The following FREM2 variants were observed in gnomAD, a reference collection of about 807,000 sequenced individuals.
The protein encoded by FREM2 is FRAS1-related extracellular matrix protein 2.
A neutral mutation model predicts 219.9 loss-of-function variants in FREM2; 119 were observed. The ratio of observed to expected loss-of-function variants is 0.54; its 90% confidence interval spans 0.47 to 0.63. The LOEUF (loss-of-function observed/expected upper bound fraction) is 0.63, where lower values mean the gene tolerates loss of function less well. FREM2 is among the 30% of genes least tolerant of loss of function. The pLI is 0.00. For missense variants in FREM2, 4,030 were observed against 3,993.6 expected (o/e 1.01, Z -0.25); for synonymous variants, 1,562 against 1,522.8 (o/e 1.03, Z -0.60).
chr13:38,833,620 A>G (rs1222056703), intron 6 of FREM2, among the ~76,000 whole-genome samples: 3 of 152,190 alleles, frequency 2.0e-5, no homozygotes, highest in South Asian at 4.1e-4. Flanking sequence ...AAATAATTCA[A>G]TGAGTTTACT....
intron 7 of FREM2, among the ~76,000 whole-genome samples, chr13:38,847,107 G>T (rs1456933114): frequency 1.3e-5 from 2 of 151,984 alleles, no homozygotes; most frequent in Non-Finnish European, 2.9e-5. Flanking sequence ...TATTATGCAG[G>T]CATGTGTCTT....
chr13:38,711,287 G>A (rs1027620603), intron 2 of FREM2, among the ~76,000 whole-genome samples: 7 of 152,094 alleles, frequency 4.6e-5, no homozygotes, highest in Admixed American at 3.3e-4. Flanking sequence ...TAGAGAGTCA[G>A]TTAAATGACA....
intron 2 of FREM2, among the ~76,000 whole-genome samples, chr13:38,756,460 G>A (rs1873002228): frequency 6.6e-6 from 1 of 151,438 alleles, no homozygotes; most frequent in Non-Finnish European, 1.5e-5. Flanking sequence ...TTCTTTGCAA[G>A]GCCCATCACA....
Position 38,689,952 on chromosome 13 carries a change from C to T in FREM2, c.2608C>T (p.Gln870Ter), listed in dbSNP as rs750020230. Residue 870 changes from glutamine to a stop codon, truncating the protein, a stop_gained, in exon 1 of 24, where the codon CAG becomes TAG. Coordinates refer to ENST00000280481, the MANE Select transcript of FREM2 (RefSeq NM_207361.6). LOFTEE classifies it high-confidence loss of function. ...DVAHISFTLT[Q>*]APKHGHMRVS... ...TGCCCATATCTCTTTCACTCTCACT[C>T]AGGCACCCAAACATGGCCACATGAG... 3 of 1,614,174 alleles carry T rather than the reference C, an allele frequency of 1.9e-6. No individual in the cohort carries two copies. Among genetic ancestry groups the T allele is most frequent in the South Asian group, 1.1e-5 (1 of 91,084 alleles).
intron 6 of FREM2, among the ~76,000 whole-genome samples, chr13:38,802,194 G>T (rs575867418): frequency 7.0e-4 from 106 of 152,344 alleles, no homozygotes; most frequent in Non-Finnish European, 5.9e-5. Context: ...CACCAGTGGA[G>T]TGCTCAGGTG....
In FREM2 at chr13:38,729,585, A is replaced by G. The variant is rs939072238; in HGVS notation, c.5263+31798A>G. 4.6e-5 allele frequency among the ~76,000 whole-genome samples: 7 copies of G among 152,244 alleles called. No individual in the cohort carries two copies. In the East Asian group the frequency reaches 1.4e-3, roughly 29 times the overall value. On this transcript the variant is annotated intron_variant, in intron 2 of 23. Transcript: ENST00000280481. ...AGGACTTGAATTTAACTCTCATTCA[A>G]CTTTTTTTTAACCAAAAAATACTTC...
chr13:38,813,963 C>T lies in FREM2; in HGVS notation c.6019+29155C>T, dbSNP rs565638769. ...TCACTAATTCTTTATCCTGCTTGAT[C>T]GATTCCAATATTAATAGACTCAGAT... On this transcript the variant is annotated intron_variant, in intron 6 of 23. Transcript: ENST00000280481. 1.4e-3 allele frequency among the ~76,000 whole-genome samples: 207 copies of T among 152,060 alleles called. 1 individual carries two copies. The highest frequency in any genetic ancestry group is 2.4e-3 in the Non-Finnish European group (164 of 67,972).
At position 38,690,657 on chromosome 13, in the gene FREM2, A is replaced by C; in HGVS notation, c.3313A>C (p.Thr1105Pro). ...CTCCCTGAATGATGACATCTTGTGCACTATAGTTATTCAGCCTACTTCAGG... is the reference window on the plus strand; with the variant it reads ...CTCCCTGAATGATGACATCTTGTGCCCTATAGTTATTCAGCCTACTTCAGG... Reference protein sequence around the residue: ...VDSLNDDILCTIVIQPTSGYV... With the variant: ...VDSLNDDILCPIVIQPTSGYV... The change falls in exon 1 of 24, where the codon ACT (threonine) becomes CCT (proline). Residue 1105 changes from threonine to proline, a missense_variant. Around this residue, in one of 2 missense-constraint regions of FREM2, gnomAD observed 3,102 missense variants for 2,950.7 expected, o/e 1.05. Coordinates refer to ENST00000280481, the MANE Select transcript of FREM2 (RefSeq NM_207361.6). 6.2e-7 allele frequency: 1 copy of C among 1,613,918 alleles called. No individual in the cohort carries two copies. The highest frequency in any genetic ancestry group is 8.5e-7 in the Non-Finnish European group (1 of 1,179,998).
chr13:38,850,380 A>G, intron 9 of FREM2, 145 bp downstream of exon 9: 2 of 720,850 alleles, frequency 2.8e-6, no homozygotes, highest in Non-Finnish European at 4.9e-6. Flanking sequence ...AGTGAAATCG[A>G]TTTTTAACAG....
In FREM2 at chr13:38,856,201, G is replaced by C. The variant is rs1279784140; in HGVS notation, c.7001G>C (p.Arg2334Thr). The change falls in exon 12 of 24, where the codon AGA becomes ACA. Residue 2334 changes from arginine (R) to threonine (T), a missense_variant. Physicochemically the swap from Arg to Thr is moderately conservative, Grantham distance 71. This residue lies in a region of FREM2 where 3,102 missense variants were observed against 2,950.7 expected (regional missense o/e 1.05). Transcript: ENST00000280481. ...ACCTTTGACGGGGTGAGAGAGATGA[G>C]AGAGGCCTTCACTGTTCACCTAAAA... ...EVTFDGVREM[R>T]EAFTVHLKPD... is the part of the protein sequence containing the mutation. 1.1e-5 allele frequency: 17 copies of C among 1,612,940 alleles called. No individual in the cohort carries two copies. Among genetic ancestry groups the C allele is most frequent in the Admixed American group, 1.7e-5 (1 of 60,014 alleles).
intron 6 of FREM2, among the ~76,000 whole-genome samples, chr13:38,806,304 C>T (rs997404180): frequency 4.0e-5 from 6 of 151,878 alleles, no homozygotes; most frequent in African/African-American, 7.3e-5. Context: ...GGAGGAAGTG[C>T]GCAGTGCACA....
intron 2 of FREM2, among the ~76,000 whole-genome samples, chr13:38,717,239 G>T (rs759358110): frequency 2.0e-4 from 30 of 152,018 alleles, no homozygotes; most frequent in Admixed American, 5.9e-4. Context: ...GCCCCACTGG[G>T]ATGAATGAGT....
Position 38,734,415 on chromosome 13 carries a change from A to C in FREM2, c.5264-29889A>C, listed in dbSNP as rs1305825927. Among the ~76,000 whole-genome samples, 6 of 152,186 alleles carry C rather than the reference A, an allele frequency of 3.9e-5. No homozygotes were observed. In the East Asian group the frequency reaches 1.2e-3, roughly 29 times the overall value. ...GCTATGAAATACTTTATATATAACTAGTTAAAAGACTTTTTCCTTAACCCT... is the reference window on the plus strand; with the variant it reads ...GCTATGAAATACTTTATATATAACTCGTTAAAAGACTTTTTCCTTAACCCT... On this transcript the variant is annotated intron_variant, in intron 2 of 23. Transcript: ENST00000280481.
rs1232730959 is a variant in FREM2 at position 38,885,068 on chromosome 13, C to T, written c.*4281C>T. ...AATTATCCCTTAATGTTGATTTCTCCCCTTTTCCATGGATTTTGATACTAA... is the reference window on the plus strand; with the variant it reads ...AATTATCCCTTAATGTTGATTTCTCTCCTTTTCCATGGATTTTGATACTAA... On this transcript the variant is annotated 3_prime_UTR_variant, in exon 24 of 24. Transcript: ENST00000280481. 6.6e-6 allele frequency: 1 copy of T among 152,084 alleles called. No individual in the cohort carries two copies. The highest frequency in any genetic ancestry group is 1.5e-5 in the Non-Finnish European group (1 of 67,986). 9.4% of individuals were successfully genotyped at this position (152,084 alleles called of 1,614,324 possible). A position where few individuals can be genotyped will look rare whatever the true frequency, so the allele number is the denominator to read the frequency against.
intron 2 of FREM2, among the ~76,000 whole-genome samples, chr13:38,734,073 A>G (rs1421393801): frequency 1.3e-5 from 2 of 152,242 alleles, no homozygotes; most frequent in East Asian, 1.9e-4. Flanking sequence ...AGATCACCTT[A>G]TGATTAACTG....
intron 2 of FREM2, among the ~76,000 whole-genome samples, chr13:38,755,436 C>G (rs1872958530): frequency 6.6e-6 from 1 of 152,126 alleles, no homozygotes; most frequent in African/African-American, 2.4e-5. Flanking sequence ...AAGTGTGCTG[C>G]TTGGCCCCTG....
intron 2 of FREM2, among the ~76,000 whole-genome samples, chr13:38,755,969 C>G (rs966263488): frequency 2.0e-5 from 3 of 152,196 alleles, no homozygotes; most frequent in African/African-American, 4.8e-5. Context: ...TGTCTACATA[C>G]TAATATTGTC....
In FREM2 at chr13:38,880,315, C is replaced by A; in HGVS notation, c.9038C>A (p.Thr3013Lys). ...CTAGGCCGAGAATGGTATATACATA[C>A]GATCTATACAGTGAGATCGAAAGAC... ...VALGREWYIH[T>K]IYTVRSKDNA... Residue 3013 changes from threonine (T) to lysine (K), a missense_variant, in exon 24 of 24, where the codon ACG becomes AAG. This residue lies in a region of FREM2 where 928 missense variants were observed against 1,042.9 expected (regional missense o/e 0.89). Coordinates refer to ENST00000280481, the MANE Select transcript of FREM2 (RefSeq NM_207361.6). 6.2e-7 allele frequency: 1 copy of A among 1,613,826 alleles called. No homozygotes were observed. The highest frequency in any genetic ancestry group is 2.2e-5 in the East Asian group (1 of 44,872).
intron 6 of FREM2, among the ~76,000 whole-genome samples, chr13:38,846,333 T>C (rs1049887473): frequency 6.6e-6 from 1 of 152,190 alleles, no homozygotes; most frequent in Admixed American, 6.5e-5. Context: ...CAAACAAACT[T>C]ATGCCTCAAG....
Sources: gnomAD v4.1 joint callset for allele counts (sites outside exome capture counted in the v4.1 genomes callset) on GRCh38, gnomAD v4.1.1 for gene constraint, gnomAD v4.1.1 regional missense constraint, MANE v1.5 for transcripts, NCBI Gene and HGNC (gene_info 2026-07-23, HGNC 2026-07-21) for gene names.